Variants in ZBTB45 observed in about 807,000 individuals in gnomAD.
The protein encoded by ZBTB45 is zinc finger and BTB domain-containing protein 45.
In ZBTB45, 22 loss-of-function variants were observed where a neutral mutation model predicts 28.4. The observed-to-expected ratio is 0.77, with a 90% CI of 0.55 to 1.10. ZBTB45 has a LOEUF of 1.10. ZBTB45 is among the 50% of genes least tolerant of loss of function. The pLI is 0.00. For missense variants in ZBTB45, 656 were observed against 750.2 expected, an observed-to-expected ratio of 0.87 and a Z score of 1.47; for synonymous variants, 361 against 332.3, an observed-to-expected ratio of 1.09 and a Z score of -0.94.
At chr19:58,521,499 T>C (rs2053578647), upstream of ZBTB45, among the ~76,000 whole-genome samples, 1 of 152,108 alleles carries the variant, frequency 6.6e-6, no homozygotes, top group African/African-American at 2.4e-5. Flanking sequence ...GATAGCAGCT[T>C]AGTCCATACC....
chr19:58,529,943 C>T (rs899610520), intron 1 of ZBTB45, among the ~76,000 whole-genome samples: 1 of 152,118 alleles, frequency 6.6e-6, no homozygotes, highest in African/African-American at 2.4e-5. Context: ...CTCATGATGC[C>T]TGTAAGACCA....
At chr19:58,529,032 TGAG>T (rs1184739639) in intron 1 of ZBTB45, among the ~76,000 whole-genome samples, 1 of 146,976 alleles carries the variant, frequency 6.8e-6, no homozygotes, top group African/African-American at 2.6e-5. Flanking sequence ...TGCAGTGAGC[TGAG>T]ATCACGCCAT....
At chr19:58,522,000 A>T (rs1363070753), upstream of ZBTB45, among the ~76,000 whole-genome samples, 8 of 152,044 alleles carry the variant, frequency 5.3e-5, no homozygotes, top group East Asian at 1.6e-3. Flanking sequence ...GGGGGAGGAA[A>T]ATATGTACCA....
intron 1 of ZBTB45, among the ~76,000 whole-genome samples, chr19:58,518,381 G>A (rs1376766825): frequency 6.6e-6 from 1 of 152,166 alleles, no homozygotes; most frequent in Non-Finnish European, 1.5e-5. Context: ...AGGTTGGGCA[G>A]TACCTTGGGA....
chr19:58,533,956 T>C (rs531529892), intron 1 of ZBTB45, among the ~76,000 whole-genome samples: 3 of 152,306 alleles, frequency 2.0e-5, no homozygotes, highest in African/African-American at 7.2e-5. Flanking sequence ...TATATGGCCA[T>C]ACAAATGTGC....
chr19:58,521,051 C>CAAAAAAAAAAAAA (rs71190053), upstream of ZBTB45, among the ~76,000 whole-genome samples: 8 of 27,824 alleles, frequency 2.9e-4, no homozygotes, highest in African/African-American at 1.6e-3. Flanking sequence ...GACTCCGTCT[C>CAAAAAAAAAAAAA]AAAAAAAAAA....
chr19:58,532,789 C>T (rs1365308329), intron 1 of ZBTB45, among the ~76,000 whole-genome samples: 1 of 152,098 alleles, frequency 6.6e-6, no homozygotes, highest in East Asian at 1.9e-4. Context: ...TCAGGTGATC[C>T]GCCCACCTCG....
At chr19:58,524,631 C>G (rs1185452873), upstream of ZBTB45, among the ~76,000 whole-genome samples, 5 of 151,998 alleles carry the variant, frequency 3.3e-5, no homozygotes, top group African/African-American at 2.4e-5. Flanking sequence ...CACCTGTAAT[C>G]CCAGCACTTT....
Position 58,516,959 on chromosome 19 carries a change from C to T in ZBTB45, c.715G>A (p.Asp239Asn), listed in dbSNP as rs1222801885. ...GCAGTGAGGAAGCCAGCAGCACAGTCTGGGAAGGAAGGAGGTGCCTGGCCC... is the reference window on the plus strand; with the variant it reads ...GCAGTGAGGAAGCCAGCAGCACAGTTTGGGAAGGAAGGAGGTGCCTGGCCC... ...GEGQAPPSFP[D>N]CAAGFLTAAA... Residue 239 changes from aspartate to asparagine, a missense_variant, in exon 2 of 3, where the codon GAC (aspartate) becomes AAC (asparagine). This residue lies in a region of ZBTB45 where 448 missense variants were observed against 444.3 expected (regional missense o/e 1.01). Transcript: ENST00000594051. This position sits in a 1 kb window ranked among gnomAD's most constrained non-coding sequence, Gnocchi z 6.2. 3 of 1,613,188 alleles carry T rather than the reference C, an allele frequency of 1.9e-6. No homozygotes were observed. Among genetic ancestry groups the T allele is most frequent in the South Asian group, 1.1e-5 (1 of 91,092 alleles).
At chr19:58,525,407 G>A (rs1029356521) in intron 1 of ZBTB45, among the ~76,000 whole-genome samples, 1 of 152,224 alleles carries the variant, frequency 6.6e-6, no homozygotes, top group African/African-American at 2.4e-5. Flanking sequence ...TAGCAGCGGA[G>A]GCTGAGGGGT....
rs546102711 is a variant in ZBTB45, at chr19:58,515,060, C to A, written c.1280-750G>T. 6.6e-6 allele frequency among the ~76,000 whole-genome samples: 1 copy of A among 152,300 alleles called. No homozygotes were observed. Among genetic ancestry groups the A allele is most frequent in the African/African-American group, 2.4e-5 (1 of 41,558 alleles). ...CCTGTCTCAGCCAGGCGTGGTGGCT[C>A]ACACCTGTAATCCCAGCACTTTGGG... On this transcript the variant is annotated intron_variant, in intron 2 of 2. Coordinates refer to ENST00000594051, the MANE Select transcript of ZBTB45 (RefSeq NM_001316979.2). This position sits in a 1 kb window ranked among gnomAD's most constrained non-coding sequence, Gnocchi z 4.7.
chr19:58,535,242 G>A (rs1010832941), intron 1 of ZBTB45, among the ~76,000 whole-genome samples: 9 of 151,900 alleles, frequency 5.9e-5, no homozygotes, highest in African/African-American at 1.5e-4. Context: ...TCCTGATCCC[G>A]TGATCCGCCT....
chr19:58,519,320 A>C (rs2053556057), intron 1 of ZBTB45: 1 of 152,294 alleles, frequency 6.6e-6, no homozygotes, highest in Non-Finnish European at 1.5e-5. Context: ...CTTGCGCATC[A>C]ACCCGAGAGA....
chr19:58,522,919 G>C (rs910619495), upstream of ZBTB45, among the ~76,000 whole-genome samples: 1 of 152,162 alleles, frequency 6.6e-6, no homozygotes, highest in African/African-American at 2.4e-5. Flanking sequence ...CATGTTTAAG[G>C]GGCTGTAGGG....
At chr19:58,524,836 T>A (rs2122584199) in intron 1 of ZBTB45, among the ~76,000 whole-genome samples, 1 of 151,438 alleles carries the variant, frequency 6.6e-6, no homozygotes, top group African/African-American at 2.4e-5. Flanking sequence ...TGAGCCGAGA[T>A]TGCGCCACTG....
At chr19:58,528,850 C>T (rs1054201611) in intron 1 of ZBTB45, among the ~76,000 whole-genome samples, 12 of 151,872 alleles carry the variant, frequency 7.9e-5, no homozygotes, top group Non-Finnish European at 1.3e-4. Flanking sequence ...GCTGAGATCG[C>T]GCCACTGCAC....
At chr19:58,519,943 T>A (rs570808448), upstream of ZBTB45, 1 of 152,378 alleles carries the variant, frequency 6.6e-6, no homozygotes, top group South Asian at 2.1e-4. Context: ...CTCCTCTTAG[T>A]CGGAACCAAA....
chr19:58,528,534 C>T (rs1600068800), intron 1 of ZBTB45, among the ~76,000 whole-genome samples: 1 of 150,936 alleles, frequency 6.6e-6, no homozygotes, highest in East Asian at 2.0e-4. Flanking sequence ...CTGAGGTGGG[C>T]GGATCACCTG....
chr19:58,520,494 A>T (rs890114421), upstream of ZBTB45, among the ~76,000 whole-genome samples: 4 of 152,106 alleles, frequency 2.6e-5, no homozygotes, highest in African/African-American at 9.7e-5. Flanking sequence ...CTCACCTATG[A>T]ATAGTTACAC....
Sources: gnomAD v4.1 joint callset for allele counts (sites outside exome capture counted in the v4.1 genomes callset) on GRCh38, gnomAD v4.1.1 for gene constraint, gnomAD v4.1.1 regional missense constraint, Gnocchi (gnomAD v3.1) non-coding constraint, MANE v1.5 for transcripts, NCBI Gene and HGNC (gene_info 2026-07-23, HGNC 2026-07-21) for gene names.